The following USP34 variants were observed in gnomAD, a reference collection of about 807,000 sequenced individuals.
USP34 encodes the protein ubiquitin specific peptidase 34.
USP34 carries 70 observed loss-of-function variants against 460.3 expected under a neutral mutation model. The ratio of observed to expected loss-of-function variants is 0.15; its 90% confidence interval spans 0.13 to 0.19. The LOEUF (loss-of-function observed/expected upper bound fraction) is 0.19. Among genes scored for constraint, USP34 ranks in the 10% least tolerant of loss-of-function variants. USP34 has a pLI of 1.00. For missense variants in USP34, 3,985 were observed against 4,236.2 expected (o/e 0.94, Z 1.65); for synonymous variants, 1,647 against 1,405.3 (o/e 1.17, Z -3.85).
At chr2:61,306,286 A>G (rs1014604044) in intron 27 of USP34, among the ~76,000 whole-genome samples, 8 of 152,188 alleles carry the variant, frequency 5.3e-5, no homozygotes, top group Admixed American at 2.6e-4. Flanking sequence ...CTTCCTACAT[A>G]TGGCTAGCCA....
intron 2 of USP34, among the ~76,000 whole-genome samples, chr2:61,418,884 A>G (rs1258628118): frequency 6.6e-6 from 1 of 152,186 alleles, no homozygotes; most frequent in East Asian, 1.9e-4. Context: ...AAAATTACAA[A>G]TTATTCAATG....
chr2:61,469,901 T>A (rs1199816581), intron 1 of USP34, among the ~76,000 whole-genome samples: 2 of 152,174 alleles, frequency 1.3e-5, no homozygotes, highest in Admixed American at 1.3e-4. Flanking sequence ...GTACCCTTTT[T>A]AATAATAAAA....
chr2:61,246,974 T>C (rs1000901197), intron 49 of USP34, among the ~76,000 whole-genome samples: 2 of 152,130 alleles, frequency 1.3e-5, no homozygotes, highest in South Asian at 2.1e-4. Context: ...GGTTTAAACA[T>C]GGTTTCCTTT....
chr2:61,188,959 T>A lies in USP34; in HGVS notation c.9984A>T (p.Gln3328His). 7 of 1,614,258 alleles carry A rather than the reference T, an allele frequency of 4.3e-6. No homozygotes were observed. The highest frequency in any genetic ancestry group is 5.1e-6 in the Non-Finnish European group (6 of 1,180,048). Residue 3328 changes from glutamine (Q) to histidine (H), a missense_variant, in exon 79 of 80, where the codon CAA becomes CAT. This residue lies in a region of USP34 where 506 missense variants were observed against 439.0 expected (regional missense o/e 1.15). Coordinates refer to ENST00000398571, the MANE Select transcript of USP34 (RefSeq NM_014709.4). ...ELLSKCRTCLQQRNSLQEQEA... is the reference protein window; with the variant it reads ...ELLSKCRTCLHQRNSLQEQEA... ...CTTGCTCTTGGAGTGAGTTTCTCTG[T>A]TGCAGACAAGTCCTGCATTTGCTTA...
chr2:61,215,491 A>G (rs1043920261), intron 67 of USP34, among the ~76,000 whole-genome samples: 11 of 152,334 alleles, frequency 7.2e-5, no homozygotes, highest in African/African-American at 2.2e-4. Flanking sequence ...CTATGTTATA[A>G]TGCTGAGGAG....
intron 48 of USP34, among the ~76,000 whole-genome samples, chr2:61,255,631 T>A (rs1485858518): frequency 2.0e-5 from 3 of 152,274 alleles, no homozygotes; most frequent in Non-Finnish European, 4.4e-5. Context: ...TTGGAAAGGC[T>A]AGCTAGTACA....
chr2:61,335,482 G>A (rs556274503), intron 18 of USP34, among the ~76,000 whole-genome samples: 146 of 152,322 alleles, frequency 9.6e-4, no homozygotes, highest in African/African-American at 3.3e-3. Context: ...AACGCATAAT[G>A]GTTCATGCCT....
intron 8 of USP34, among the ~76,000 whole-genome samples, chr2:61,374,800 C>T (rs1692741835): frequency 1.3e-5 from 2 of 152,120 alleles, no homozygotes; most frequent in African/African-American, 4.8e-5. Context: ...AACTCCTGAC[C>T]TCAGGTGATC....
intron 67 of USP34, 128 bp downstream of exon 67, chr2:61,220,182 A>T: frequency 9.1e-6 from 4 of 439,508 alleles, no homozygotes; most frequent in Non-Finnish European, 1.1e-5. Context: ...AAAAAAAAAA[A>T]GGAAATAACA....
Position 61,294,936 on chromosome 2 carries a change from CAT to C in USP34, c.4461+11_4461+12del. On this transcript the variant is annotated intron_variant, in intron 32 of 79. Transcript: ENST00000398571. ...ATTTTTATCAATACATTGAAAAACACATATGATCAAACCTTGCAACTCCAGGA... is the reference window on the plus strand; with the variant it reads ...ATTTTTATCAATACATTGAAAAACACATGATCAAACCTTGCAACTCCAGGA... 2 of 1,599,256 alleles carry C rather than the reference CAT, an allele frequency of 1.3e-6. No homozygotes were observed. The highest frequency in any genetic ancestry group is 1.7e-6 in the Non-Finnish European group (2 of 1,171,910).
rs1205744596 is a variant in USP34, at chr2:61,248,520, T to C, written c.6385A>G (p.Arg2129Gly). ...TEDFLMGKSERKEGFKEVSDH... is the reference protein window; with the variant it reads ...TEDFLMGKSEGKEGFKEVSDH... ...GAAATGAAAAAATCACCTTCTTTCC[T>C]CTCACTCTTTCCCATAAGAAAATCT... Residue 2129 changes from arginine to glycine, a missense_variant, in exon 49 of 80, where the codon AGG becomes GGG. Physicochemically the swap from Arg to Gly is moderately radical, Grantham distance 125 (BLOSUM62 -2). This residue lies in a region of USP34 where 70 missense variants were observed against 78.1 expected (regional missense o/e 0.90). Coordinates refer to ENST00000398571, the MANE Select transcript of USP34 (RefSeq NM_014709.4). 6.4e-7 allele frequency: 1 copy of C among 1,559,368 alleles called. No homozygotes were observed. The highest frequency in any genetic ancestry group is 2.3e-5 in the East Asian group (1 of 43,812).
intron 10 of USP34, among the ~76,000 whole-genome samples, chr2:61,369,583 C>T (rs1211712535): frequency 7.6e-6 from 1 of 130,772 alleles, no homozygotes; most frequent in Non-Finnish European, 1.5e-5. Flanking sequence ...GCGGAGGTTG[C>T]AGTAAGCCAA....
intron 41 of USP34, among the ~76,000 whole-genome samples, chr2:61,267,786 T>C (rs1159928228): frequency 6.6e-6 from 1 of 152,114 alleles, no homozygotes; most frequent in Admixed American, 6.6e-5. Flanking sequence ...GTCTTAATTT[T>C]TTGTATTTTT....
At chr2:61,296,774 A>T in intron 30 of USP34, 26 bp downstream of exon 30, 1 of 1,604,912 alleles carries the variant, frequency 6.2e-7, no homozygotes, top group Admixed American at 1.7e-5. Context: ...AGCCTCTAGG[A>T]GAGTAAAGAG....
chr2:61,449,060 G>A (rs190430573), intron 1 of USP34, among the ~76,000 whole-genome samples: 12 of 152,248 alleles, frequency 7.9e-5, no homozygotes. Context: ...TGGAGGCTGA[G>A]GCAGGAGAAC....
At chr2:61,232,425 AT>A (rs752972939) in intron 58 of USP34, 26 bp downstream of exon 58, 3 of 1,548,756 alleles carry the variant, frequency 1.9e-6, no homozygotes, top group South Asian at 2.3e-5. Flanking sequence ...TTTCCAAATA[AT>A]TTTTTTCAAA....
chr2:61,439,223 G>A (rs1694898929), intron 1 of USP34, among the ~76,000 whole-genome samples: 1 of 152,166 alleles, frequency 6.6e-6, no homozygotes, highest in Admixed American at 6.5e-5. Context: ...ACCAGCCTGG[G>A]TAACAGGGCA....
chr2:61,302,176 T>C (rs996876337), intron 27 of USP34, among the ~76,000 whole-genome samples: 3 of 152,178 alleles, frequency 2.0e-5, no homozygotes, highest in Non-Finnish European at 4.4e-5. Flanking sequence ...CAAAATTAAA[T>C]GTCTGATGAA....
chr2:61,322,235 C>T (rs571642265), intron 21 of USP34, among the ~76,000 whole-genome samples: 1 of 151,614 alleles, frequency 6.6e-6, no homozygotes, highest in Admixed American at 6.6e-5. Context: ...TGTCTCAAAA[C>T]AAAACAAAGA....
Sources: allele counts gnomAD v4.1 joint callset (sites outside exome capture counted in the v4.1 genomes callset), GRCh38; gene constraint gnomAD v4.1.1; regional missense constraint gnomAD v4.1.1; transcripts MANE v1.5; gene names NCBI Gene and HGNC (gene_info 2026-07-23, HGNC 2026-07-21).